Variants in CNTN4 observed in about 807,000 individuals in gnomAD.
CNTN4 encodes the protein contactin-4.
In CNTN4, 77 loss-of-function variants were observed where a neutral mutation model predicts 122.5. The ratio of observed to expected loss-of-function variants is 0.63; its 90% CI spans 0.52 to 0.76. The LOEUF is 0.76. CNTN4 is among the 30% of genes least tolerant of loss of function. The pLI is 0.00. For synonymous variants in CNTN4, 512 were observed against 447.0 expected (o/e 1.15, Z -1.83); for missense variants, 1,256 against 1,259.1 (o/e 1.00, Z 0.04).
intron 2 of CNTN4, among the ~76,000 whole-genome samples, chr3:2,298,040 T>C (rs2042377861): frequency 6.6e-6 from 1 of 152,114 alleles, no homozygotes; most frequent in Non-Finnish European, 1.5e-5. Context: ...TCATCTGTTA[T>C]GTTAAGTGAA....
chr3:2,665,475 A>T (rs2084107110), intron 4 of CNTN4, among the ~76,000 whole-genome samples: 2 of 152,234 alleles, frequency 1.3e-5, no homozygotes, highest in South Asian at 4.1e-4. Context: ...TACAAAAAGA[A>T]CTCAGAATTA....
rs182070742 is a variant in CNTN4, at chr3:2,766,141, A to T, written c.358+20444A>T. Among the ~76,000 whole-genome samples the T allele has an allele frequency of 5.8e-4, 88 of 152,154 alleles. 1 individual carries two copies. In the Middle Eastern group the frequency reaches 0.024, roughly 41 times the overall value. ...GGGTTTGGTTCAAAATTTAAATATCACCTGTCTCTGCCACTCTGGTTAATG... is the reference window on the plus strand; with the variant it reads ...GGGTTTGGTTCAAAATTTAAATATCTCCTGTCTCTGCCACTCTGGTTAATG... On this transcript the variant is annotated intron_variant, in intron 6 of 24. Coordinates refer to ENST00000418658, the MANE Select transcript of CNTN4 (RefSeq NM_175607.3).
intron 3 of CNTN4, among the ~76,000 whole-genome samples, chr3:2,373,677 C>G (rs1174528786): frequency 2.0e-5 from 3 of 152,088 alleles, no homozygotes; most frequent in Non-Finnish European, 4.4e-5. Context: ...GCAGAAGTAT[C>G]AATAACATCG....
chr3:2,882,591 G>A (rs2093925440), intron 8 of CNTN4: 1 of 154,608 alleles, frequency 6.5e-6, no homozygotes, highest in Non-Finnish European at 1.4e-5. Flanking sequence ...TTTTTTCACA[G>A]GTCCAAAATG....
chr3:2,211,894 T>C (rs901393953), intron 2 of CNTN4, among the ~76,000 whole-genome samples: 1 of 152,352 alleles, frequency 6.6e-6, no homozygotes, highest in Non-Finnish European at 1.5e-5. Flanking sequence ...AAATTTTCCC[T>C]ACATTAATTT....
chr3:2,111,035 A>G (rs560310429), intron 2 of CNTN4, among the ~76,000 whole-genome samples: 2 of 152,310 alleles, frequency 1.3e-5, no homozygotes, highest in African/African-American at 2.4e-5. Flanking sequence ...TCTTTATGGT[A>G]TAAAGAGGTT....
chr3:2,281,552 T>A (rs2041714836), intron 2 of CNTN4, among the ~76,000 whole-genome samples: 1 of 152,098 alleles, frequency 6.6e-6, no homozygotes, highest in Non-Finnish European at 1.5e-5. Flanking sequence ...AATACAGCAA[T>A]TTCAGAGGCC....
At chr3:2,615,571 A>G (rs13068877) in intron 4 of CNTN4, among the ~76,000 whole-genome samples, 63,121 of 131,082 alleles carry the variant, frequency 0.48, 14,338 homozygotes, top group Non-Finnish European at 0.53. Flanking sequence ...TTCATCATCT[A>G]TTTCACTCTA....
chr3:2,684,243 G>A (rs1030677239), intron 4 of CNTN4, among the ~76,000 whole-genome samples: 3 of 152,122 alleles, frequency 2.0e-5, no homozygotes, highest in Non-Finnish European at 4.4e-5. Context: ...GGCTTCAAGG[G>A]GAGAGTAAGA....
chr3:2,932,668 C>T lies in CNTN4; in HGVS notation c.1358+6889C>T, dbSNP rs560043588. ...TGAGGACATGGCTGGGAAATACATACGTCACTGGAGCATCTGTTACTGGTG... is the reference window on the plus strand; with the variant it reads ...TGAGGACATGGCTGGGAAATACATATGTCACTGGAGCATCTGTTACTGGTG... On this transcript the variant is annotated intron_variant, in intron 13 of 24. Transcript: ENST00000418658. Among the ~76,000 whole-genome samples, 125 of 152,022 alleles carry T rather than the reference C, an allele frequency of 8.2e-4. 6 individuals carry two copies. In the South Asian group the frequency reaches 0.024, roughly 30 times the overall value.
chr3:2,390,215 AGTGTGTGTGTGT>A (rs142190283), intron 3 of CNTN4, among the ~76,000 whole-genome samples: 22 of 144,878 alleles, frequency 1.5e-4, no homozygotes, highest in African/African-American at 4.6e-4. Context: ...AGGAAAAAAG[AGTGTGTGTGTGT>A]GTGTGTGTGT....
At chr3:2,255,020 T>G (rs2040523242) in intron 2 of CNTN4, among the ~76,000 whole-genome samples, 1 of 152,206 alleles carries the variant, frequency 6.6e-6, no homozygotes, top group African/African-American at 2.4e-5. Flanking sequence ...TAGTTTTAGG[T>G]CTTAGGTTTA....
chr3:2,646,308 G>C (rs1197788122), intron 4 of CNTN4, among the ~76,000 whole-genome samples: 1 of 152,120 alleles, frequency 6.6e-6, no homozygotes, highest in Non-Finnish European at 1.5e-5. Flanking sequence ...TTTTTATTAA[G>C]TTCAGTGAAT....
intron 3 of CNTN4, among the ~76,000 whole-genome samples, chr3:2,468,843 C>T (rs1471349827): frequency 6.6e-6 from 1 of 152,138 alleles, no homozygotes; most frequent in Non-Finnish European, 1.5e-5. Flanking sequence ...GAAAGGGATG[C>T]ACCATTAGGC....
chr3:2,831,016 C>T (rs1333500529), intron 7 of CNTN4, among the ~76,000 whole-genome samples: 1 of 152,092 alleles, frequency 6.6e-6, no homozygotes, highest in Admixed American at 6.5e-5. Context: ...GAGTCTTAGG[C>T]ACAAATAAGA....
At chr3:2,603,400 G>C (rs1039353773) in intron 4 of CNTN4, among the ~76,000 whole-genome samples, 1 of 152,064 alleles carries the variant, frequency 6.6e-6, no homozygotes, top group African/African-American at 2.4e-5. Flanking sequence ...TGGAAGTCCT[G>C]GTTTATCGGT....
chr3:2,801,640 G>T (rs1285913584), intron 6 of CNTN4, among the ~76,000 whole-genome samples: 1 of 150,822 alleles, frequency 6.6e-6, no homozygotes, highest in Admixed American at 6.6e-5. Context: ...GTATAGCATT[G>T]CTTGTATCAT....
chr3:2,534,045 T>C (rs1352144208), intron 3 of CNTN4, among the ~76,000 whole-genome samples: 2 of 152,140 alleles, frequency 1.3e-5, no homozygotes, highest in African/African-American at 4.8e-5. Context: ...TTTTCTCCCA[T>C]GCTGTAGGTT....
intron 6 of CNTN4, among the ~76,000 whole-genome samples, chr3:2,778,420 T>C (rs1412468366): frequency 6.6e-6 from 1 of 152,058 alleles, no homozygotes; most frequent in Non-Finnish European, 1.5e-5. Context: ...TCATGATTTT[T>C]TAAAAGCAAG....
Sources: allele counts gnomAD v4.1 joint callset (sites outside exome capture counted in the v4.1 genomes callset), GRCh38; gene constraint gnomAD v4.1.1; transcripts MANE v1.5; gene names NCBI Gene and HGNC (gene_info 2026-07-23, HGNC 2026-07-21).